PAPPA: variants seen among roughly 807,000 people sequenced by gnomAD.
PAPPA encodes pappalysin 1, also known as pappalysin-1.
A neutral mutation model predicts 164.0 loss-of-function variants in PAPPA; 60 were observed. The observed-to-expected ratio is 0.37, with a 90% CI of 0.30 to 0.45. The LOEUF is 0.45. Ranked by LOEUF, PAPPA falls within the 20% of genes least tolerant of loss-of-function variation. PAPPA has a pLI of 1.00. For synonymous variants in PAPPA, 875 were observed against 814.1 expected, an observed-to-expected ratio of 1.07 and a Z score of -1.27; for missense variants, 1,782 against 2,087.3, an observed-to-expected ratio of 0.85 and a Z score of 2.85.
At chr9:116,214,295 G>A (rs1386148342) in intron 4 of PAPPA, among the ~76,000 whole-genome samples, 1 of 152,110 alleles carries the variant, frequency 6.6e-6, no homozygotes. Context: ...TCTTGAGTAC[G>A]TGTGACATGC....
intron 19 of PAPPA, among the ~76,000 whole-genome samples, chr9:116,372,957 A>G (rs1373457247): frequency 6.6e-6 from 1 of 152,224 alleles, no homozygotes; most frequent in Non-Finnish European, 1.5e-5. Flanking sequence ...TAGCTAGCTA[A>G]TTCCACTGCA....
intron 1 of PAPPA, among the ~76,000 whole-genome samples, chr9:116,168,615 C>T (rs1238218159): frequency 6.6e-6 from 1 of 152,094 alleles, no homozygotes; most frequent in Non-Finnish European, 1.5e-5. Flanking sequence ...TGTGCTCTGC[C>T]TTGTGTGGGG....
chr9:116,235,243 G>A lies in PAPPA; in HGVS notation c.2338G>A (p.Gly780Ser). 6.2e-7 allele frequency: 1 copy of A among 1,614,162 alleles called. No homozygotes were observed. Among genetic ancestry groups the A allele is most frequent in the Non-Finnish European group, 8.5e-7 (1 of 1,180,024 alleles). ...TCCTCCAGCCTGCCCTGAGCCTCAA[G>A]GCTGCTACCTCGAGCTGGAGTTCCT... Reference protein sequence around the residue: ...TVPPACPEPQGCYLELEFLYP... With the variant: ...TVPPACPEPQSCYLELEFLYP... The change falls in exon 7 of 22, where the codon GGC (glycine) becomes AGC (serine). Residue 780 changes from glycine (G) to serine (S), a missense_variant. Gly to Ser is a moderately conservative substitution (Grantham distance 56). This residue lies in a region of PAPPA where 1,324 missense variants were observed against 1,656.9 expected (regional missense o/e 0.80). Coordinates refer to ENST00000328252, the MANE Select transcript of PAPPA (RefSeq NM_002581.5).
At chr9:116,234,528 G>A (rs894088584) in intron 6 of PAPPA, among the ~76,000 whole-genome samples, 13 of 152,218 alleles carry the variant, frequency 8.5e-5, no homozygotes, top group African/African-American at 1.9e-4. Context: ...TTTGCTGGTC[G>A]GGGGGTGGGG....
chr9:116,284,872 CT>C (rs1327045743), intron 9 of PAPPA, among the ~76,000 whole-genome samples: 1 of 152,158 alleles, frequency 6.6e-6, no homozygotes, highest in Non-Finnish European at 1.5e-5. Context: ...ATTACTCTAC[CT>C]GAGGCCCTCT....
intron 7 of PAPPA, among the ~76,000 whole-genome samples, chr9:116,257,185 T>C (rs1844937999): frequency 6.6e-6 from 1 of 152,004 alleles, no homozygotes; most frequent in Non-Finnish European, 1.5e-5. Context: ...TATTAGGTGG[T>C]CTATTAATGT....
intron 9 of PAPPA, among the ~76,000 whole-genome samples, chr9:116,275,897 C>G (rs533296530): frequency 1.3e-5 from 2 of 152,104 alleles, no homozygotes; most frequent in African/African-American, 2.4e-5. Context: ...TATGCAACAC[C>G]CTGGGGACTT....
rs1167450960 is a variant in PAPPA, at chr9:116,347,849, T to C, written c.3964+640T>C. Among the ~76,000 whole-genome samples, 1 of 152,050 alleles carries C rather than the reference T, an allele frequency of 6.6e-6. No individual in the cohort carries two copies. Among genetic ancestry groups the C allele is most frequent in the African/African-American group, 2.4e-5 (1 of 41,404 alleles). On this transcript the variant is annotated intron_variant, in intron 15 of 21. Coordinates refer to ENST00000328252, the MANE Select transcript of PAPPA (RefSeq NM_002581.5). The surrounding 1 kb of genome is among the most constrained non-coding windows in gnomAD (Gnocchi z 4.5). ...GGCATACCAGAGAAGAGGTCACATTTTAGAAAAAAGTGAGTAGCTGGCCTG... is the reference window on the plus strand; with the variant it reads ...GGCATACCAGAGAAGAGGTCACATTCTAGAAAAAAGTGAGTAGCTGGCCTG...
chr9:116,210,758 C>T (rs1844296184), intron 3 of PAPPA, among the ~76,000 whole-genome samples: 2 of 152,132 alleles, frequency 1.3e-5, no homozygotes, highest in Admixed American at 1.3e-4. Context: ...ATTCAAGGCT[C>T]ATTTTAAAAT....
chr9:116,196,672 C>T (rs1259550219), intron 2 of PAPPA, among the ~76,000 whole-genome samples: 2 of 152,190 alleles, frequency 1.3e-5, no homozygotes, highest in East Asian at 1.9e-4. Context: ...GCATTTTGTT[C>T]ATGGGTTTGT....
chr9:116,270,845 T>C (rs916745842), intron 8 of PAPPA, among the ~76,000 whole-genome samples: 1 of 140,588 alleles, frequency 7.1e-6, no homozygotes, highest in African/African-American at 2.7e-5. Flanking sequence ...AATGCATGAA[T>C]GAAAAAAAAA....
At chr9:116,199,312 A>G (rs1844143584) in intron 2 of PAPPA, among the ~76,000 whole-genome samples, 1 of 152,228 alleles carries the variant, frequency 6.6e-6, no homozygotes, top group African/African-American at 2.4e-5. Flanking sequence ...GAGCAGCAAT[A>G]AAGGGGGCTT....
intron 9 of PAPPA, among the ~76,000 whole-genome samples, chr9:116,297,336 T>C (rs1845521996): frequency 6.6e-6 from 1 of 152,232 alleles, no homozygotes; most frequent in Admixed American, 6.5e-5. Context: ...CAGTAACCGA[T>C]AACTTATGAC....
intron 21 of PAPPA, among the ~76,000 whole-genome samples, chr9:116,385,085 T>A (rs991897419): frequency 6.6e-6 from 1 of 151,526 alleles, no homozygotes; most frequent in African/African-American, 2.4e-5. Flanking sequence ...AATACAAAAA[T>A]TAGCCGGGTG....
At chr9:116,268,039 G>A (rs7851174) in intron 8 of PAPPA, among the ~76,000 whole-genome samples, 90,786 of 151,886 alleles carry the variant, frequency 0.6, 27,841 homozygotes, top group East Asian at 0.88. Context: ...CGGATCATAT[G>A]TTTATTTCTT....
chr9:116,163,903 T>C (rs572113531), intron 1 of PAPPA, among the ~76,000 whole-genome samples: 1 of 152,332 alleles, frequency 6.6e-6, no homozygotes, highest in African/African-American at 2.4e-5. Flanking sequence ...TTTCTAAGAC[T>C]GACTGAAGAC....
intron 21 of PAPPA, among the ~76,000 whole-genome samples, chr9:116,395,316 G>GA (rs975619870): frequency 3.3e-5 from 5 of 151,832 alleles, no homozygotes; most frequent in African/African-American, 9.7e-5. Flanking sequence ...AAGAGGCAGA[G>GA]AAAAAAGAAG....
At position 116,289,367 on chromosome 9, in the gene PAPPA, T is replaced by TA. The variant is rs1491134240; in HGVS notation, c.2954-13390_2954-13389insA. Among the ~76,000 whole-genome samples the TA allele has an allele frequency of 1.3e-4, 17 of 132,864 alleles. 1 individual carries two copies. The highest frequency in any genetic ancestry group is 2.3e-4 in the South Asian group (1 of 4,348). The allele number at this position is 132,864 out of a possible 152,430, so 87.2% of individuals were successfully genotyped here. On this transcript the variant is annotated intron_variant, in intron 9 of 21. Transcript: ENST00000328252. ...ATATGGCATATATATGGCATATATA[T>TA]GGCATATATATAGCATATGTATATA... is the stretch of plus-strand genomic sequence containing the variant.
intron 8 of PAPPA, among the ~76,000 whole-genome samples, chr9:116,266,937 AAACAT>A (rs1260139915): frequency 2.6e-5 from 4 of 152,252 alleles, no homozygotes; most frequent in Non-Finnish European, 5.9e-5. Context: ...ATTTAATGAT[AAACAT>A]TACATGTGGA....
Sources: gnomAD v4.1 joint callset for allele counts (sites outside exome capture counted in the v4.1 genomes callset) on GRCh38, gnomAD v4.1.1 for gene constraint, gnomAD v4.1.1 regional missense constraint, Gnocchi (gnomAD v3.1) non-coding constraint, MANE v1.5 for transcripts, NCBI Gene and HGNC (gene_info 2026-07-23, HGNC 2026-07-21) for gene names.